Variants in NOMO3 observed in about 807,000 individuals in gnomAD.
The protein encoded by NOMO3 is NODAL modulator 3, also known as BOS complex subunit NOMO3.
NOMO3 carries 15 observed loss-of-function variants against 69.9 expected under a neutral mutation model. The ratio of observed to expected loss-of-function variants is 0.21; its 90% CI spans 0.14 to 0.33. The LOEUF is 0.33. Ranked by LOEUF, NOMO3 falls within the 10% of genes least tolerant of loss-of-function variation. NOMO3 has a pLI of 1.00. For synonymous variants in NOMO3, 89 were observed against 301.9 expected (o/e 0.29, Z 7.31); for missense variants, 218 against 761.0 (o/e 0.29, Z 8.39).
At chr16:16,266,127 T>G (rs1049596099) in intron 15 of NOMO3, among the ~76,000 whole-genome samples, 1 of 140,304 alleles carries the variant, frequency 7.1e-6, no homozygotes, top group South Asian at 2.2e-4. Flanking sequence ...GATCCCTTCG[T>G]GAATTTTCTA....
chr16:16,232,846 C>G lies in NOMO3; in HGVS notation c.165+15C>G, dbSNP rs2049294254. ...CTCTCATCGAGGTGAGCGCCCGCCC[C>G]GCCGCCCGGCGCCGAGTCGCCGGGC... On this transcript the variant is annotated intron_variant, in intron 1 of 30. Coordinates refer to ENST00000399336, the MANE Select transcript of NOMO3 (RefSeq NM_001004067.4). 1.6e-5 allele frequency: 5 copies of G among 314,256 alleles called. No individual in the cohort carries two copies. The East Asian group carries it at 2.0e-4, about 13-fold the overall frequency. 19.5% of individuals were successfully genotyped at this position (314,256 alleles called of 1,614,324 possible). A position where few individuals can be genotyped will look rare whatever the true frequency, so the allele number is the denominator to read the frequency against.
rs935169545 is a variant in NOMO3 at position 16,255,245 on chromosome 16, C to T, written c.964-475C>T. On this transcript the variant is annotated intron_variant, in intron 9 of 30. Transcript: ENST00000399336. ...ATTTCATAAGGACCTGTGTTCAGGTCGTGGTGGAAAGACAGGAGGGGACAC... is the reference window on the plus strand; with the variant it reads ...ATTTCATAAGGACCTGTGTTCAGGTTGTGGTGGAAAGACAGGAGGGGACAC... Among the ~76,000 whole-genome samples, 3 of 139,868 alleles carry T rather than the reference C, an allele frequency of 2.1e-5. 1 individual carries two copies. The highest frequency in any genetic ancestry group is 6.1e-5 in the African/African-American group (2 of 32,606). 91.8% of individuals were successfully genotyped at this position (139,868 alleles called of 152,430 possible). A position where few individuals can be genotyped will look rare whatever the true frequency, so the allele number is the denominator to read the frequency against.
intron 11 of NOMO3, among the ~76,000 whole-genome samples, chr16:16,258,977 A>G (rs2049541805): frequency 7.0e-6 from 1 of 142,870 alleles, no homozygotes; most frequent in Non-Finnish European, 1.5e-5. Context: ...GAGGAAAGCC[A>G]TGGTGTGAAT....
intron 16 of NOMO3, among the ~76,000 whole-genome samples, chr16:16,268,445 C>T (rs434018): frequency 2.1e-5 from 3 of 144,216 alleles, no homozygotes; most frequent in South Asian, 2.2e-4. Context: ...GATGTGAAGT[C>T]GTGTCTCATT....
In NOMO3 at chr16:16,237,411, A is replaced by G. The variant is rs1040973619; in HGVS notation, c.255+421A>G. Among the ~76,000 whole-genome samples, 16 of 145,084 alleles carry G rather than the reference A, an allele frequency of 1.1e-4. 4 individuals carry two copies. The highest frequency in any genetic ancestry group is 4.4e-4 in the African/African-American group (16 of 36,342). ...GTTAAAAAAATTGTACAAGTAATAC[A>G]TGAATTCATGAACTTTGTGAAAAAG... On this transcript the variant is annotated intron_variant, in intron 2 of 30. Coordinates refer to ENST00000399336, the MANE Select transcript of NOMO3 (RefSeq NM_001004067.4).
chr16:16,249,763 G>A (rs1485264373), intron 6 of NOMO3, among the ~76,000 whole-genome samples: 1 of 143,748 alleles, frequency 7.0e-6, no homozygotes, highest in East Asian at 2.2e-4. Context: ...TTATCTTCCT[G>A]GGGTGTTAGT....
In NOMO3 at chr16:16,259,403, C is replaced by T. The variant is rs1452063271; in HGVS notation, c.1221-2099C>T. 2.1e-5 allele frequency among the ~76,000 whole-genome samples: 3 copies of T among 141,884 alleles called. 1 individual carries two copies. Among genetic ancestry groups the T allele is most frequent in the African/African-American group, 5.9e-5 (2 of 33,836 alleles). The allele number at this position is 141,884 out of a possible 152,430, so 93.1% of individuals were successfully genotyped here. Reference sequence around the variant, plus strand: ...TTACTCCGTTGCCCAGGCTGGAGTACGGTGGCGCCATCTCGGCTCACTGCA... The same window carrying T: ...TTACTCCGTTGCCCAGGCTGGAGTATGGTGGCGCCATCTCGGCTCACTGCA... On this transcript the variant is annotated intron_variant, in intron 11 of 30. Transcript: ENST00000399336.
chr16:16,263,026 A>C, intron 12 of NOMO3, 48 bp from the exon 13 acceptor site: 1 of 1,587,382 alleles, frequency 6.3e-7, no homozygotes, highest in African/African-American at 1.5e-5. Context: ...GGTCAGGGGG[A>C]AGATCTCCCC....
chr16:16,241,008 C>T (rs2049369963), intron 3 of NOMO3, among the ~76,000 whole-genome samples: 1 of 143,800 alleles, frequency 7.0e-6, no homozygotes, highest in Admixed American at 6.8e-5. Context: ...CCCCACCCTA[C>T]CCCCAACTGG....
chr16:16,232,662 G>T lies in NOMO3; in HGVS notation c.-5G>T, dbSNP rs2049291207. On this transcript the variant is annotated 5_prime_UTR_variant, in exon 1 of 31. Coordinates refer to ENST00000399336, the MANE Select transcript of NOMO3 (RefSeq NM_001004067.4). ...GCGGTGGGTCTAGCTGGGGGAGGTC[G>T]GGCCATGCTGGTGGGCCAGGGCGCG... is the stretch of plus-strand genomic sequence containing the variant. 1.4e-6 allele frequency: 1 copy of T among 715,256 alleles called. No individual in the cohort carries two copies. Among genetic ancestry groups the T allele is most frequent in the East Asian group, 3.8e-5 (1 of 26,206 alleles). The allele number at this position is 715,256 out of a possible 1,614,324, so 44.3% of individuals were successfully genotyped here.
At chr16:16,252,828 ATTTTT>A (rs1180588275) in intron 9 of NOMO3, among the ~76,000 whole-genome samples, 1 of 66,706 alleles carries the variant, frequency 1.5e-5, no homozygotes. Context: ...TGTGGACCTC[ATTTTT>A]TTTTTTTTTT....
chr16:16,238,087 A>G (rs2049343912), intron 2 of NOMO3, among the ~76,000 whole-genome samples: 1 of 136,944 alleles, frequency 7.3e-6, no homozygotes, highest in Non-Finnish European at 1.5e-5. Context: ...TTTGATTTTG[A>G]TATATTTTTT....
intron 1 of NOMO3, 146 bp from the exon 2 acceptor site, chr16:16,236,755 C>T (rs556320094): frequency 3.0e-6 from 2 of 658,248 alleles, no homozygotes; most frequent in Admixed American, 6.0e-5. Flanking sequence ...TGATTTCCCT[C>T]TGTCCCCAGT....
Position 16,263,367 on chromosome 16 carries a change from A to G in NOMO3, c.1538-146A>G, listed in dbSNP as rs797000108. On this transcript the variant is annotated intron_variant, in intron 13 of 30. Coordinates refer to ENST00000399336, the MANE Select transcript of NOMO3 (RefSeq NM_001004067.4). ...CTTGGAGTCAGGTGGGTACATGTTA[A>G]CTTGAAAGAAGCGCTCCGTCTGCCT... 3.6e-4 allele frequency: 569 copies of G among 1,571,632 alleles called. 27 individuals are homozygous for G. The highest frequency in any genetic ancestry group is 2.6e-3 in the Middle Eastern group (11 of 4,296).
At chr16:16,242,201 T>TTGTGTG (rs71276168) in intron 3 of NOMO3, among the ~76,000 whole-genome samples, 3 of 99,396 alleles carry the variant, frequency 3.0e-5, no homozygotes, top group African/African-American at 1.5e-4. Flanking sequence ...ATTGGAGTCT[T>TTGTGTG]TGTGTGTGTG....
intron 11 of NOMO3, 30 bp from the exon 12 acceptor site, chr16:16,261,472 G>A (rs761182641): frequency 6.4e-6 from 10 of 1,573,454 alleles, no homozygotes; most frequent in Admixed American, 3.5e-5. Context: ...TTGAGTCCTC[G>A]TGCTGGAATG....
intron 29 of NOMO3, chr16:16,288,620 A>AG (rs2049691833): frequency 7.4e-4 from 1 of 1,348 alleles, no homozygotes; most frequent in Admixed American, 3.6e-3. Context: ...CAGGACAACC[A>AG]CCTGGAGCCT....
At chr16:16,240,819 C>A (rs1344092398) in intron 3 of NOMO3, among the ~76,000 whole-genome samples, 1 of 142,834 alleles carries the variant, frequency 7.0e-6, no homozygotes, top group Non-Finnish European at 1.5e-5. Context: ...AAATGAGGCT[C>A]AGGCAGCTGA....
chr16:16,240,774 A>G (rs1653444354), intron 3 of NOMO3, among the ~76,000 whole-genome samples: 1 of 143,154 alleles, frequency 7.0e-6, no homozygotes, highest in South Asian at 2.2e-4. Context: ...TGCATTAGAC[A>G]AGGAAGAATT....
Sources: allele counts gnomAD v4.1 joint callset (sites outside exome capture counted in the v4.1 genomes callset), GRCh38; gene constraint gnomAD v4.1.1; transcripts MANE v1.5; gene names NCBI Gene and HGNC (gene_info 2026-07-23, HGNC 2026-07-21).